Variants in TTC39C observed in about 807,000 individuals in gnomAD.
The protein encoded by TTC39C is tetratricopeptide repeat domain 39C, also known as tetratricopeptide repeat protein 39C.
A neutral mutation model predicts 76.3 loss-of-function variants in TTC39C; 33 were observed. The ratio of observed to expected loss-of-function variants is 0.43; its 90% CI spans 0.33 to 0.58. The LOEUF is 0.58. Among genes scored for constraint, TTC39C ranks in the 20% least tolerant of loss-of-function variants. The pLI is 0.04. For synonymous variants in TTC39C, 254 were observed against 260.6 expected, an observed-to-expected ratio of 0.97 and a Z score of 0.24; for missense variants, 595 against 701.4, an observed-to-expected ratio of 0.85 and a Z score of 1.71.
intron 1 of TTC39C, among the ~76,000 whole-genome samples, chr18:24,018,039 A>T (rs914205023): frequency 5.9e-5 from 9 of 152,234 alleles, no homozygotes; most frequent in Non-Finnish European, 1.5e-5. Flanking sequence ...GGATTGTATA[A>T]TTCAGATATT....
At chr18:24,071,684 A>C (rs1281723013) in intron 4 of TTC39C, among the ~76,000 whole-genome samples, 1 of 152,196 alleles carries the variant, frequency 6.6e-6, no homozygotes, top group South Asian at 2.1e-4. Flanking sequence ...TATTTAGTCA[A>C]TTCCTCATGA....
chr18:24,002,121 G>C lies in TTC39C; in HGVS notation c.-17+9083G>C, dbSNP rs1233068250. Among the ~76,000 whole-genome samples, 9 of 152,134 alleles carry C rather than the reference G, an allele frequency of 5.9e-5. No individual in the cohort carries two copies. The East Asian group carries it at 1.7e-3, about 29-fold the overall frequency. Reference sequence around the variant, plus strand: ...GACAACTTCTCACCCATTGTGTGTGGTCTTGTGGGGCTGTCAGCCTCCTTG... The same window carrying C: ...GACAACTTCTCACCCATTGTGTGTGCTCTTGTGGGGCTGTCAGCCTCCTTG... On this transcript the variant is annotated intron_variant, in intron 1 of 13. Coordinates refer to the TTC39C transcript ENST00000304621.
intron 6 of TTC39C, among the ~76,000 whole-genome samples, chr18:24,093,798 C>T (rs534977316): frequency 6.6e-6 from 1 of 152,290 alleles, no homozygotes; most frequent in African/African-American, 2.4e-5. Context: ...AACTTTATTG[C>T]TAAAACTATC....
intron 1 of TTC39C, among the ~76,000 whole-genome samples, chr18:24,049,427 G>A (rs939688744): frequency 7.2e-5 from 11 of 152,204 alleles, no homozygotes; most frequent in African/African-American, 2.7e-4. Context: ...AGCATAGATA[G>A]TTTTCTGTTC....
intron 1 of TTC39C, chr18:24,022,789 C>T (rs562252578): frequency 8.1e-6 from 8 of 985,398 alleles, no homozygotes; most frequent in Admixed American, 1.2e-4. Flanking sequence ...GCTTCCTGTC[C>T]TGCTGCCCTT....
intron 12 of TTC39C, among the ~76,000 whole-genome samples, chr18:24,130,834 G>T (rs559893743): frequency 6.6e-6 from 1 of 151,584 alleles, no homozygotes; most frequent in African/African-American, 2.4e-5. Context: ...GTAACACAAT[G>T]GTAAGTATTT....
At chr18:24,016,177 A>G (rs958426789) in intron 1 of TTC39C, among the ~76,000 whole-genome samples, 14 of 152,232 alleles carry the variant, frequency 9.2e-5, no homozygotes, top group Admixed American at 3.3e-4. Flanking sequence ...ACTTTTCACT[A>G]AAGCCCTTTT....
chr18:24,127,988 G>A (rs2085071450), intron 10 of TTC39C, among the ~76,000 whole-genome samples: 1 of 152,148 alleles, frequency 6.6e-6, no homozygotes, highest in South Asian at 2.1e-4. Flanking sequence ...AACCCTCGAG[G>A]CCATTGTCCC....
At chr18:24,114,525 T>A in intron 6 of TTC39C, 29 bp from the exon 7 acceptor site, 2 of 1,493,738 alleles carry the variant, frequency 1.3e-6, no homozygotes, top group Non-Finnish European at 1.9e-6. Flanking sequence ...AGATCTTAGC[T>A]GGTAATTCTG....
At chr18:24,125,344 T>C (rs1382872573) in intron 9 of TTC39C, 83 bp from the exon 10 acceptor site, 1 of 1,534,472 alleles carries the variant, frequency 6.5e-7, no homozygotes, top group East Asian at 2.3e-5. Flanking sequence ...TGATGAACTG[T>C]GTGCTTTTAA....
rs756744021 is a variant in TTC39C at position 24,080,857 on chromosome 18, G to A, written c.733G>A (p.Gly245Ser). 7 of 1,613,962 alleles carry A rather than the reference G, an allele frequency of 4.3e-6. No individual in the cohort carries two copies. The African/African-American group carries it at 9.3e-5, about 22-fold the overall frequency. Residue 245 changes from glycine to serine, a missense_variant, in exon 5 of 14, where the codon GGT (glycine) becomes AGT (serine). Gly to Ser is a moderately conservative substitution (Grantham distance 56). Coordinates refer to ENST00000317571, the MANE Select transcript of TTC39C (RefSeq NM_001135993.2). ...CCTGCTCAAAATCATCAACCTGCTG[G>A]GTTTTCCTGGAGACCGCCTACAGGG... is the stretch of plus-strand genomic sequence containing the variant. Reference protein sequence around the residue: ...PNLLKIINLLGFPGDRLQGLS... With the variant: ...PNLLKIINLLSFPGDRLQGLS...
At chr18:24,073,605 T>A (rs2084267663) in intron 4 of TTC39C, among the ~76,000 whole-genome samples, 1 of 152,058 alleles carries the variant, frequency 6.6e-6, no homozygotes, top group Non-Finnish European at 1.5e-5. Context: ...AGCCTTGAGG[T>A]CCCAGGTTCA....
At chr18:24,072,626 T>G (rs1056718632) in intron 4 of TTC39C, among the ~76,000 whole-genome samples, 7 of 152,362 alleles carry the variant, frequency 4.6e-5, no homozygotes, top group African/African-American at 1.7e-4. Context: ...AAAGCTTGTG[T>G]TTATCTCATT....
chr18:24,072,022 A>G (rs190719200), intron 4 of TTC39C, among the ~76,000 whole-genome samples: 2 of 152,376 alleles, frequency 1.3e-5, no homozygotes, highest in Admixed American at 6.5e-5. Context: ...AACACAACCA[A>G]CAATGTGCTC....
At position 24,132,802 on chromosome 18, in the gene TTC39C, C is replaced by T; in HGVS notation, c.*228C>T. 6 of 415,524 alleles carry T rather than the reference C, an allele frequency of 1.4e-5. No homozygotes were observed. The highest frequency in any genetic ancestry group is 1.2e-3 in the Middle Eastern group (2 of 1,630). The allele number at this position is 415,524 out of a possible 1,614,324, so 25.7% of individuals were successfully genotyped here. On this transcript the variant is annotated 3_prime_UTR_variant, in exon 14 of 14. Transcript: ENST00000317571. ...GATGATGGTAATAATAACTAACCAC[C>T]TGGGGAGAGGGTTAAGTGACCTTGC...
chr18:24,058,786 G>A (rs947083508), intron 1 of TTC39C, among the ~76,000 whole-genome samples: 2 of 152,144 alleles, frequency 1.3e-5, no homozygotes, highest in African/African-American at 4.8e-5. Context: ...TCTCACTAAC[G>A]CTTGATATTG....
intron 4 of TTC39C, among the ~76,000 whole-genome samples, chr18:24,076,537 T>G (rs2084309989): frequency 6.6e-6 from 1 of 151,932 alleles, no homozygotes; most frequent in Admixed American, 6.6e-5. Flanking sequence ...TCCCCCAGCC[T>G]CTGCCTCCTC....
chr18:24,064,034 A>G, intron 1 of TTC39C, 106 bp from the exon 2 acceptor site: 1 of 1,451,404 alleles, frequency 6.9e-7, no homozygotes, highest in Non-Finnish European at 9.2e-7. Flanking sequence ...TCTTTTATTC[A>G]ATTAGAAGGA....
intron 1 of TTC39C, among the ~76,000 whole-genome samples, chr18:24,049,998 C>T (rs1442363047): frequency 6.6e-6 from 1 of 152,146 alleles, no homozygotes; most frequent in East Asian, 1.9e-4. Context: ...AGGGTCTGAC[C>T]GTTTTCCTTG....
Sources: allele counts gnomAD v4.1 joint callset (sites outside exome capture counted in the v4.1 genomes callset), GRCh38; gene constraint gnomAD v4.1.1; transcripts MANE v1.5; gene names NCBI Gene and HGNC (gene_info 2026-07-23, HGNC 2026-07-21).